CTTNBP2: variants seen among roughly 807,000 people sequenced by gnomAD.
The protein encoded by CTTNBP2 is cortactin-binding protein 2.
A neutral mutation model predicts 156.9 loss-of-function variants in CTTNBP2; 108 were observed. The observed-to-expected ratio is 0.69, with a 90% CI of 0.59 to 0.81. The LOEUF is 0.81. CTTNBP2 is among the 30% of genes least tolerant of loss of function. The pLI, the probability that CTTNBP2 is intolerant of heterozygous loss-of-function variation, is 0.00. For missense variants in CTTNBP2, 1,924 were observed against 2,035.4 expected (o/e 0.95, Z 1.05); for synonymous variants, 767 against 751.8 (o/e 1.02, Z -0.33).
At position 117,837,733 on chromosome 7, in the gene CTTNBP2, T is replaced by C. The variant is rs952313466; in HGVS notation, c.189+23476A>G. Among the ~76,000 whole-genome samples, 4 of 152,298 alleles carry C rather than the reference T, an allele frequency of 2.6e-5. No individual in the cohort carries two copies. In the East Asian group the frequency reaches 5.8e-4, roughly 22 times the overall value. Reference sequence around the variant, plus strand: ...TGTGTTTTGACTGTGATCCATCCCATGAGGCCAGGTATAAAATTTTCCACT... The same window carrying C: ...TGTGTTTTGACTGTGATCCATCCCACGAGGCCAGGTATAAAATTTTCCACT... On this transcript the variant is annotated intron_variant, in intron 2 of 22. Transcript: ENST00000160373.
At chr7:117,770,300 G>A (rs1409932463) in intron 8 of CTTNBP2, among the ~76,000 whole-genome samples, 1 of 152,122 alleles carries the variant, frequency 6.6e-6, no homozygotes, top group African/African-American at 2.4e-5. Context: ...ATTACATTCA[G>A]GTAGGTCAGT....
chr7:117,869,561 A>G (rs1240891525), intron 1 of CTTNBP2, among the ~76,000 whole-genome samples: 2 of 152,196 alleles, frequency 1.3e-5, no homozygotes, highest in Non-Finnish European at 2.9e-5. Flanking sequence ...GATATTTGTA[A>G]ATGTCTAAGT....
chr7:117,743,688 C>T (rs34276731), intron 14 of CTTNBP2, among the ~76,000 whole-genome samples: 14,806 of 137,590 alleles, frequency 0.11, 1,099 homozygotes, highest in African/African-American at 0.22. Flanking sequence ...CTTGAACCAG[C>T]GAGGCAGAGG....
chr7:117,834,823 C>G (rs2117097517), intron 2 of CTTNBP2, among the ~76,000 whole-genome samples: 1 of 152,264 alleles, frequency 6.6e-6, no homozygotes, highest in East Asian at 1.9e-4. Flanking sequence ...TTTGTTTAAA[C>G]ATAGGGATAG....
intron 2 of CTTNBP2, among the ~76,000 whole-genome samples, chr7:117,823,562 T>A (rs1034109141): frequency 6.6e-6 from 1 of 152,232 alleles, no homozygotes; most frequent in Non-Finnish European, 1.5e-5. Flanking sequence ...TAACCACGCA[T>A]AAGAATCACC....
intron 20 of CTTNBP2, among the ~76,000 whole-genome samples, 161 bp from the exon 21 acceptor site, chr7:117,719,797 C>T (rs1215297958): frequency 6.6e-6 from 1 of 152,158 alleles, no homozygotes; most frequent in Non-Finnish European, 1.5e-5. Context: ...GAAATTTCCA[C>T]AGGATTTTGG....
intron 1 of CTTNBP2, among the ~76,000 whole-genome samples, chr7:117,867,429 C>T (rs1804276260): frequency 6.6e-6 from 1 of 152,130 alleles, no homozygotes; most frequent in African/African-American, 2.4e-5. Flanking sequence ...TTGTGCATTT[C>T]CTCATAGTAA....
rs555247736 is a variant in CTTNBP2, at chr7:117,719,503, C to A, written c.4644+1G>T. The A allele has an allele frequency of 1.2e-6, 2 of 1,613,346 alleles. No homozygotes were observed. The highest frequency in any genetic ancestry group is 1.3e-5 in the African/African-American group (1 of 75,018). On this transcript the variant is annotated splice_donor_variant, in intron 21 of 22. Coordinates refer to ENST00000160373, the MANE Select transcript of CTTNBP2 (RefSeq NM_033427.3). LOFTEE classifies it high-confidence loss of function. ...CAATGCCCCCCATTTGTACTGCTCA[C>A]CTTGCTGATATCAGACTCAGACTTG...
At position 117,716,587 on chromosome 7, in the gene CTTNBP2, G is replaced by A. The variant is rs575792892; in HGVS notation, c.4746+1431C>T. Among the ~76,000 whole-genome samples, 4 of 152,242 alleles carry A rather than the reference G, an allele frequency of 2.6e-5. No homozygotes were observed. The South Asian group carries it at 8.3e-4, about 32-fold the overall frequency. On this transcript the variant is annotated intron_variant, in intron 22 of 22. Transcript: ENST00000160373. ...CCCTAGACTGTTTTCCAACCAGAAG[G>A]CTCAGTGCTGACTCCAGGTCACCTT...
chr7:117,828,142 C>T (rs977544644), intron 2 of CTTNBP2, among the ~76,000 whole-genome samples: 3 of 152,168 alleles, frequency 2.0e-5, no homozygotes, highest in African/African-American at 7.2e-5. Context: ...TGAAAGCAGT[C>T]TTTATTCAAA....
chr7:117,842,264 G>A (rs184977014), intron 2 of CTTNBP2, among the ~76,000 whole-genome samples: 12 of 152,192 alleles, frequency 7.9e-5, no homozygotes, highest in Admixed American at 1.3e-4. Context: ...GCAATGGTGC[G>A]ATCCCGGCTC....
At chr7:117,829,493 A>G (rs1012585046) in intron 2 of CTTNBP2, among the ~76,000 whole-genome samples, 1 of 152,134 alleles carries the variant, frequency 6.6e-6, no homozygotes, top group Admixed American at 6.5e-5. Context: ...AAAGGTACTC[A>G]TTTCCTTTTC....
intron 4 of CTTNBP2, among the ~76,000 whole-genome samples, chr7:117,790,375 T>A (rs1798922864): frequency 6.6e-6 from 1 of 152,194 alleles, no homozygotes; most frequent in African/African-American, 2.4e-5. Flanking sequence ...TAGCACTGTA[T>A]AACAAAAGGG....
intron 4 of CTTNBP2, among the ~76,000 whole-genome samples, chr7:117,789,915 A>G (rs1798900387): frequency 6.6e-6 from 1 of 152,232 alleles, no homozygotes; most frequent in Non-Finnish European, 1.5e-5. Context: ...CCCTCAAAAT[A>G]TGGATAAAGC....
chr7:117,791,169 C>T lies in CTTNBP2; in HGVS notation c.2027G>A (p.Cys676Tyr). The T allele has an allele frequency of 6.2e-7, 1 of 1,614,122 alleles. No homozygotes were observed. Residue 676 changes from cysteine to tyrosine, a missense_variant, in exon 4 of 23, where the codon TGT becomes TAT. By Grantham distance (194) the Cys-to-Tyr change is radical. Coordinates refer to ENST00000160373, the MANE Select transcript of CTTNBP2 (RefSeq NM_033427.3). ...GAGGCTGTCTGAGGCACCTGGTCTA[C>T]AGGATGAGGCACTAACGGGGTTTAT... ...SSINPVSASS[C>Y]RPGASDSLLV...
chr7:117,839,346 A>C (rs1011219674), intron 2 of CTTNBP2, among the ~76,000 whole-genome samples: 1 of 152,190 alleles, frequency 6.6e-6, no homozygotes, highest in African/African-American at 2.4e-5. Context: ...AACAGGAAGA[A>C]ATTTCCTAAC....
intron 12 of CTTNBP2, among the ~76,000 whole-genome samples, chr7:117,751,286 T>C (rs1333255780): frequency 6.6e-6 from 1 of 152,226 alleles, no homozygotes; most frequent in African/African-American, 2.4e-5. Context: ...AAGTTTTATT[T>C]GGAGTTTCAC....
At chr7:117,734,008 A>G (rs1045339290) in intron 16 of CTTNBP2, among the ~76,000 whole-genome samples, 12 of 152,200 alleles carry the variant, frequency 7.9e-5, no homozygotes, top group Non-Finnish European at 1.8e-4. Flanking sequence ...GAAGCTCTCT[A>G]TCCTTCGCTG....
chr7:117,714,546 A>G (rs1161484089), intron 22 of CTTNBP2, among the ~76,000 whole-genome samples: 1 of 152,218 alleles, frequency 6.6e-6, no homozygotes, highest in Non-Finnish European at 1.5e-5. Flanking sequence ...AGAGGAAGGA[A>G]AGGAGACATA....
Sources: allele counts gnomAD v4.1 joint callset (sites outside exome capture counted in the v4.1 genomes callset), GRCh38; gene constraint gnomAD v4.1.1; transcripts MANE v1.5; gene names NCBI Gene and HGNC (gene_info 2026-07-23, HGNC 2026-07-21).